Variants in CNTN3 observed in about 807,000 individuals in gnomAD.
CNTN3 encodes the protein contactin-3.
In CNTN3, 60 loss-of-function variants were observed where a neutral mutation model predicts 119.1. The ratio of observed to expected loss-of-function variants is 0.50; its 90% CI spans 0.41 to 0.62. CNTN3 has a LOEUF of 0.62. CNTN3 is among the 20% of genes least tolerant of loss of function. CNTN3 has a pLI of 0.00. For missense variants in CNTN3, 1,101 were observed against 1,242.4 expected, an observed-to-expected ratio of 0.89 and a Z score of 1.71; for synonymous variants, 450 against 438.7, an observed-to-expected ratio of 1.03 and a Z score of -0.32.
At chr3:74,318,383 G>GGAA (rs1702891525) in intron 13 of CNTN3, among the ~76,000 whole-genome samples, 1 of 152,172 alleles carries the variant, frequency 6.6e-6, no homozygotes, top group Admixed American at 6.5e-5. Flanking sequence ...CTGGTGAGGA[G>GGAA]CTGCGTTCCT....
chr3:74,432,400 A>G (rs1047800611), intron 4 of CNTN3, among the ~76,000 whole-genome samples: 1 of 152,106 alleles, frequency 6.6e-6, no homozygotes, highest in African/African-American at 2.4e-5. Context: ...AAAAAAAAAA[A>G]AATCACAAAA....
intron 11 of CNTN3, among the ~76,000 whole-genome samples, chr3:74,353,712 C>T (rs1312590963): frequency 1.3e-5 from 2 of 151,910 alleles, no homozygotes; most frequent in African/African-American, 2.4e-5. Context: ...GCCGAGATTG[C>T]GCCACTGCAC....
intron 5 of CNTN3, among the ~76,000 whole-genome samples, chr3:74,384,950 T>G (rs1034582509): frequency 6.6e-6 from 1 of 152,202 alleles, no homozygotes; most frequent in Non-Finnish European, 1.5e-5. Flanking sequence ...ATTCAATTAG[T>G]TGATCTTCCG....
intron 16 of CNTN3, among the ~76,000 whole-genome samples, chr3:74,301,140 A>T (rs1702444811): frequency 6.6e-6 from 1 of 152,190 alleles, no homozygotes; most frequent in African/African-American, 2.4e-5. Context: ...ACCTTAAGTG[A>T]CAAAAGCATA....
intron 1 of CNTN3, among the ~76,000 whole-genome samples, chr3:74,523,966 C>G (rs1293371380): frequency 1.3e-5 from 2 of 151,846 alleles, no homozygotes; most frequent in African/African-American, 4.8e-5. Context: ...GCTTTAAGAA[C>G]AATGAATGAG....
chr3:74,555,650 T>A (rs556270470), intron 1 of CNTN3, among the ~76,000 whole-genome samples: 3 of 152,228 alleles, frequency 2.0e-5, no homozygotes, highest in African/African-American at 4.8e-5. Context: ...GGAGGACATA[T>A]GTGTCCAGGA....
intron 1 of CNTN3, among the ~76,000 whole-genome samples, chr3:74,613,515 C>T (rs1343295353): frequency 6.6e-6 from 1 of 152,042 alleles, no homozygotes; most frequent in Non-Finnish European, 1.5e-5. Flanking sequence ...CTTACCGTAG[C>T]GGACACCGTT....
chr3:74,292,193 C>G (rs758550346), intron 19 of CNTN3, among the ~76,000 whole-genome samples: 52 of 152,156 alleles, frequency 3.4e-4, no homozygotes, highest in Non-Finnish European at 7.2e-4. Flanking sequence ...AGAATATTTA[C>G]TGGAGAGAAA....
At chr3:74,402,190 G>A (rs928049262) in intron 5 of CNTN3, among the ~76,000 whole-genome samples, 8 of 152,040 alleles carry the variant, frequency 5.3e-5, no homozygotes, top group Admixed American at 4.6e-4. Context: ...GCTGTCTTAC[G>A]GCTACGTCCC....
At chr3:74,357,634 A>G (rs1162627209) in intron 11 of CNTN3, among the ~76,000 whole-genome samples, 1 of 152,110 alleles carries the variant, frequency 6.6e-6, no homozygotes, top group Non-Finnish European at 1.5e-5. Context: ...TTGTTTTCTG[A>G]TTTAGACCTT....
intron 1 of CNTN3, among the ~76,000 whole-genome samples, chr3:74,521,990 G>A (rs1423006801): frequency 6.6e-6 from 1 of 151,732 alleles, no homozygotes; most frequent in Admixed American, 6.6e-5. Flanking sequence ...CTTTAGTAAG[G>A]AACGGGTACA....
intron 4 of CNTN3, among the ~76,000 whole-genome samples, chr3:74,445,557 G>A (rs867343244): frequency 2.0e-5 from 3 of 152,060 alleles, no homozygotes; most frequent in Admixed American, 1.3e-4. Flanking sequence ...CCTTCTACCA[G>A]AATCAATGAA....
chr3:74,403,945 G>GC (rs969224760), intron 5 of CNTN3, among the ~76,000 whole-genome samples: 2 of 149,338 alleles, frequency 1.3e-5, no homozygotes, highest in South Asian at 2.1e-4. Context: ...TTTTCTACTC[G>GC]CCCCCCTCCT....
intron 5 of CNTN3, among the ~76,000 whole-genome samples, chr3:74,379,405 C>T (rs1216184821): frequency 6.6e-6 from 1 of 152,086 alleles, no homozygotes; most frequent in Non-Finnish European, 1.5e-5. Flanking sequence ...ATCCACCTGC[C>T]TCATTGTCTT....
chr3:74,547,047 T>C (rs1484085453), intron 1 of CNTN3, among the ~76,000 whole-genome samples: 2 of 152,210 alleles, frequency 1.3e-5, no homozygotes, highest in Non-Finnish European at 2.9e-5. Context: ...CCCATCCACT[T>C]ATCCAGGTTA....
chr3:74,576,705 A>ATT (rs1704423342), intron 1 of CNTN3, among the ~76,000 whole-genome samples: 1 of 152,144 alleles, frequency 6.6e-6, no homozygotes. Context: ...GGTAGGTAAA[A>ATT]GAAAAGAAAA....
At chr3:74,362,162 T>A (rs1172320138) in intron 10 of CNTN3, 122 bp from the exon 11 acceptor site, 9 of 1,016,230 alleles carry the variant, frequency 8.9e-6, no homozygotes, top group Non-Finnish European at 1.1e-5. Context: ...GTGCTTGATT[T>A]ACTTGGCTTA....
intron 1 of CNTN3, among the ~76,000 whole-genome samples, chr3:74,576,750 T>G (rs543848463): frequency 7.9e-5 from 12 of 152,216 alleles, no homozygotes; most frequent in African/African-American, 2.9e-4. Flanking sequence ...TTTTTTCTAT[T>G]TAGAAATGTA....
At chr3:74,463,881 A>G (rs143821353) in intron 4 of CNTN3, among the ~76,000 whole-genome samples, 4 of 152,298 alleles carry the variant, frequency 2.6e-5, no homozygotes, top group East Asian at 3.9e-4. Flanking sequence ...CAAAATCCAC[A>G]GGGAAAATAA....
Sources: gnomAD v4.1 joint callset for allele counts (sites outside exome capture counted in the v4.1 genomes callset) on GRCh38, gnomAD v4.1.1 for gene constraint, MANE v1.5 for transcripts, NCBI Gene and HGNC (gene_info 2026-07-23, HGNC 2026-07-21) for gene names.